Variants in MTFR1 observed in about 807,000 individuals in gnomAD.
MTFR1 encodes the protein chondrocyte protein with a poly-proline region.
MTFR1 carries 28 observed loss-of-function variants against 38.8 expected under a neutral mutation model. The ratio of observed to expected loss-of-function variants is 0.72; its 90% CI spans 0.53 to 0.99. MTFR1 has a LOEUF of 0.99. Among genes scored for constraint, MTFR1 ranks in the 50% least tolerant of loss-of-function variants. MTFR1 has a pLI of 0.00. For synonymous variants in MTFR1, 145 were observed against 137.0 expected (o/e 1.06, Z -0.41); for missense variants, 358 against 395.5 (o/e 0.91, Z 0.81).
intron 2 of MTFR1, among the ~76,000 whole-genome samples, chr8:65,672,430 C>G (rs1302010059): frequency 6.6e-6 from 1 of 152,158 alleles, no homozygotes; most frequent in Non-Finnish European, 1.5e-5. Context: ...TCCCATTGAT[C>G]TGATATATAC....
intron 3 of MTFR1, among the ~76,000 whole-genome samples, chr8:65,750,200 T>A (rs551846403): frequency 1.9e-4 from 29 of 152,298 alleles, no homozygotes; most frequent in Non-Finnish European, 2.6e-4. Context: ...TACAAATATA[T>A]CCTTAGAAAC....
exon 4 of MTFR1, chr8:65,771,060 C>T: frequency 2.7e-6 from 1 of 370,256 alleles, no homozygotes; most frequent in Non-Finnish European, 5.3e-6. Flanking sequence ...CAATCCAAAC[C>T]ACAATAATTC....
chr8:65,718,946 T>C (rs918285936), intron 2 of MTFR1: 5 of 314,340 alleles, frequency 1.6e-5, no homozygotes, highest in East Asian at 1.4e-4. Flanking sequence ...CAAGAGATTG[T>C]TGCTGAACAA....
At chr8:65,682,798 C>T (rs1041705053) in intron 3 of MTFR1, 70 of 985,106 alleles carry the variant, frequency 7.1e-5, no homozygotes, top group Middle Eastern at 1.0e-3. Context: ...TGTAATTATA[C>T]CTTCCTCTTT....
chr8:65,682,985 A>G (rs1804948773), intron 3 of MTFR1: 1 of 933,890 alleles, frequency 1.1e-6, no homozygotes, highest in African/African-American at 1.8e-5. Flanking sequence ...TCAAACCGTG[A>G]ATCAGGAGAA....
intron 2 of MTFR1, among the ~76,000 whole-genome samples, chr8:65,677,372 GTTTAGCTGTTTCT>G (rs1804741389): frequency 7.3e-6 from 1 of 137,734 alleles, no homozygotes; most frequent in Non-Finnish European, 1.5e-5. Context: ...GCCTGGCCCT[GTTTAGCTGTTTCT>G]TTTTTTTTTT....
intron 4 of MTFR1, 84 bp from the exon 5 acceptor site, chr8:65,704,610 A>T: frequency 9.2e-7 from 1 of 1,084,284 alleles, no homozygotes; most frequent in Non-Finnish European, 1.4e-6. Context: ...CTTGGGTGTT[A>T]ATGCGGATAC....
At chr8:65,692,565 C>T (rs1377746616) in intron 3 of MTFR1, among the ~76,000 whole-genome samples, 1 of 151,738 alleles carries the variant, frequency 6.6e-6, no homozygotes, top group African/African-American at 2.4e-5. Flanking sequence ...GTTTCGAACT[C>T]CTGACCTCAA....
intron 3 of MTFR1, among the ~76,000 whole-genome samples, chr8:65,763,337 G>A (rs559207068): frequency 2.0e-5 from 3 of 152,040 alleles, no homozygotes; most frequent in Non-Finnish European, 4.4e-5. Context: ...AGGCTGAGGC[G>A]GGTGGATCAC....
downstream of MTFR1, among the ~76,000 whole-genome samples, chr8:65,712,042 T>G (rs371804233): frequency 3.6e-4 from 55 of 152,318 alleles, no homozygotes; most frequent in African/African-American, 1.3e-3. Flanking sequence ...GCCAGACTCT[T>G]CATAACAAGA....
intron 3 of MTFR1, among the ~76,000 whole-genome samples, chr8:65,756,383 G>T (rs1330103933): frequency 6.6e-6 from 1 of 151,824 alleles, no homozygotes; most frequent in African/African-American, 2.4e-5. Context: ...TTCATGTATT[G>T]GTACACTTGA....
At position 65,704,905 on chromosome 8, in the gene MTFR1, C is replaced by G. The variant is rs150643671; in HGVS notation, c.493C>G (p.Gln165Glu). Reference sequence around the variant, plus strand: ...TCAGATTGCCAAAATTGTGACCCAGCAGGAGCAGCAAAATCTCACTGCAGG... The same window carrying G: ...TCAGATTGCCAAAATTGTGACCCAGGAGGAGCAGCAAAATCTCACTGCAGG... ...RAQIAKIVTQ[Q>E]EQQNLTAGDL... is the part of the protein sequence containing the mutation. The change falls in exon 5 of 8, where the codon CAG becomes GAG. Residue 165 changes from glutamine to glutamate, a missense_variant. Physicochemically the swap from Gln to Glu is conservative, Grantham distance 29. Coordinates refer to ENST00000262146, the MANE Select transcript of MTFR1 (RefSeq NM_014637.4). The G allele has an allele frequency of 6.6e-4, 1,062 of 1,598,066 alleles. 12 individuals are homozygous for G. The South Asian group carries it at 9.1e-3, about 14-fold the overall frequency.
chr8:65,707,346 G>A (rs1010899309), intron 6 of MTFR1, 90 bp downstream of exon 6: 1 of 1,340,606 alleles, frequency 7.5e-7, no homozygotes, highest in Non-Finnish European at 1.0e-6. Flanking sequence ...TTTATAACAT[G>A]ACTGCCATGA....
At chr8:65,712,641 T>TTA (rs1805984507), downstream of MTFR1, among the ~76,000 whole-genome samples, 1 of 152,196 alleles carries the variant, frequency 6.6e-6, no homozygotes, top group Admixed American at 6.5e-5. Flanking sequence ...ACTCAGAAGA[T>TTA]TAGGTAACCT....
intron 3 of MTFR1, among the ~76,000 whole-genome samples, chr8:65,767,348 C>T (rs17396192): frequency 0.052 from 7,968 of 152,298 alleles, 302 homozygotes; most frequent in Middle Eastern, 0.088. Context: ...GTATAAGCAA[C>T]CACAGTCCTT....
chr8:65,763,478 T>G (rs188227992), intron 3 of MTFR1, among the ~76,000 whole-genome samples: 1 of 151,988 alleles, frequency 6.6e-6, no homozygotes, highest in Non-Finnish European at 1.5e-5. Flanking sequence ...GGCAGGAGAA[T>G]CACTTGAACC....
chr8:65,724,356 C>T, intron 3 of MTFR1: 2 of 1,597,998 alleles, frequency 1.3e-6, no homozygotes, highest in Non-Finnish European at 1.7e-6. Flanking sequence ...AGCCATCTAG[C>T]AAACAAAACA....
At chr8:65,664,866 G>A (rs1804329827) in intron 1 of MTFR1, among the ~76,000 whole-genome samples, 1 of 151,618 alleles carries the variant, frequency 6.6e-6, no homozygotes, top group South Asian at 2.1e-4. Flanking sequence ...GGGATTACAG[G>A]CGTGAGCCAC....
In MTFR1 at chr8:65,716,169, G is replaced by A. The variant is rs1585813176; in HGVS notation, c.382-3211G>A. Among the ~76,000 whole-genome samples the A allele has an allele frequency of 6.1e-5, 9 of 147,648 alleles. No homozygotes were observed. In the South Asian group the frequency reaches 1.5e-3, roughly 25 times the overall value. On this transcript the variant is annotated intron_variant, in intron 2 of 3. Transcript: ENST00000521247. The stretch of plus-strand genomic sequence containing the variant: ...GTCTCAAAAAAAAAAAAAAACAAAA[G>A]GGCTATAGAAGGTGATTCCCACATA...
Sources: allele counts gnomAD v4.1 joint callset (sites outside exome capture counted in the v4.1 genomes callset), GRCh38; gene constraint gnomAD v4.1.1; transcripts MANE v1.5; gene names NCBI Gene and HGNC (gene_info 2026-07-23, HGNC 2026-07-21).